The following SNAP23 variants were observed in gnomAD, a reference collection of about 807,000 sequenced individuals.
SNAP23 encodes the protein synaptosome associated protein 23.
SNAP23 carries 11 observed loss-of-function variants against 29.0 expected under a neutral mutation model. That is an observed-to-expected ratio of 0.38 (90% confidence interval 0.24 to 0.63). SNAP23 has a LOEUF of 0.63. SNAP23 is among the 20% of genes least tolerant of loss of function. The pLI, the probability that SNAP23 is intolerant of heterozygous loss-of-function variation, is 0.58. For synonymous variants in SNAP23, 60 were observed against 82.9 expected, an observed-to-expected ratio of 0.72 and a Z score of 1.50; for missense variants, 220 against 253.9, an observed-to-expected ratio of 0.87 and a Z score of 0.91.
chr15:42,492,056 G>A (rs2057170953), upstream of SNAP23, among the ~76,000 whole-genome samples: 2 of 151,706 alleles, frequency 1.3e-5, no homozygotes, highest in South Asian at 4.2e-4. Flanking sequence ...AATTACAGAC[G>A]TGCACTACCA....
intron 1 of SNAP23, among the ~76,000 whole-genome samples, chr15:42,498,159 CTG>C (rs1278505354): frequency 6.6e-6 from 1 of 152,172 alleles, no homozygotes; most frequent in Non-Finnish European, 1.5e-5. Context: ...ATTCTGGAGT[CTG>C]GAGAATGGTG....
At chr15:42,496,090 T>C (rs1367698577) in intron 1 of SNAP23, among the ~76,000 whole-genome samples, 3 of 152,166 alleles carry the variant, frequency 2.0e-5, no homozygotes, top group Non-Finnish European at 4.4e-5. Context: ...CTGAGGTTCC[T>C]GGTATTGGAT....
chr15:42,491,992 C>A (rs1356658058), upstream of SNAP23, among the ~76,000 whole-genome samples: 2 of 152,070 alleles, frequency 1.3e-5, no homozygotes, highest in African/African-American at 2.4e-5. Flanking sequence ...TTCACTGCAA[C>A]CTCCACCTTC....
chr15:42,513,547 C>T, intron 4 of SNAP23, 100 bp downstream of exon 4: 2 of 877,240 alleles, frequency 2.3e-6, no homozygotes, highest in Admixed American at 1.9e-5. Context: ...GAGAGCCTTC[C>T]CTTTGTAAAA....
chr15:42,513,469 A>G (rs778453778), intron 4 of SNAP23, 22 bp downstream of exon 4: 1 of 1,601,654 alleles, frequency 6.2e-7, no homozygotes, highest in South Asian at 1.1e-5. Flanking sequence ...TATTAGCAGA[A>G]ATTCTTAATT....
At chr15:42,521,662 G>T in intron 5 of SNAP23, 1 of 1,400,246 alleles carries the variant, frequency 7.1e-7, no homozygotes. Context: ...GGAACTTTAA[G>T]ATGCAGTCTT....
upstream of SNAP23, chr15:42,491,221 A>G (rs2057159021): frequency 6.6e-6 from 1 of 152,340 alleles, no homozygotes. Flanking sequence ...CAAGAGAGTG[A>G]ACAACGGACA....
chr15:42,522,842 CTTTT>C (rs5812226), intron 5 of SNAP23, among the ~76,000 whole-genome samples: 1 of 91,054 alleles, frequency 1.1e-5, no homozygotes, highest in African/African-American at 4.6e-5. Flanking sequence ...TAAAACTTGC[CTTTT>C]TTTTTTTTTT....
Position 42,515,265 on chromosome 15 carries a change from G to A in SNAP23, c.177G>A (p.Leu59=). 6.2e-7 allele frequency: 1 copy of A among 1,610,452 alleles called. No individual in the cohort carries two copies. The highest frequency in any genetic ancestry group is 8.5e-7 in the Non-Finnish European group (1 of 1,178,468). Residue 59 remains leucine, a synonymous_variant, in exon 5 of 8, where the codon TTG becomes TTA. Coordinates refer to ENST00000249647, the MANE Select transcript of SNAP23 (RefSeq NM_003825.4). ...KEQLNRIEEG[L]DQINKDMRET... is the part of the protein sequence containing the mutation. ...AACTAAACCGCATAGAAGAAGGCTT[G>A]GACCAAATAAATAAGGACATGAGAG...
At chr15:42,522,090 C>T (rs2057453929) in intron 5 of SNAP23, 2 of 153,540 alleles carry the variant, frequency 1.3e-5, no homozygotes. Flanking sequence ...ATTAAGTTTC[C>T]CTACTTTTTT....
At chr15:42,526,137 T>A (rs2057499986) in intron 5 of SNAP23, among the ~76,000 whole-genome samples, 1 of 152,230 alleles carries the variant, frequency 6.6e-6, no homozygotes, top group African/African-American at 2.4e-5. Context: ...CCCACTTCTG[T>A]TACTTCTGTT....
chr15:42,497,204 ATTTTTTTTTTT>A (rs1192101985), intron 1 of SNAP23, among the ~76,000 whole-genome samples: 2 of 104,292 alleles, frequency 1.9e-5, no homozygotes, highest in East Asian at 5.1e-4. Flanking sequence ...AACCTGGCTA[ATTTTTTTTTTT>A]TTTTTTTTTT....
intron 1 of SNAP23, among the ~76,000 whole-genome samples, chr15:42,503,919 A>T (rs923843453): frequency 6.6e-6 from 1 of 152,200 alleles, no homozygotes; most frequent in East Asian, 1.9e-4. Flanking sequence ...AAAAATATGT[A>T]TGTATATTTG....
At chr15:42,492,398 G>C (rs189508104), upstream of SNAP23, among the ~76,000 whole-genome samples, 432 of 152,136 alleles carry the variant, frequency 2.8e-3, no homozygotes, top group African/African-American at 9.8e-3. Context: ...AGTAAGCAGC[G>C]GTGGGGCACA....
intron 1 of SNAP23, 51 bp from the exon 2 acceptor site, chr15:42,511,782 T>C: frequency 8.9e-7 from 1 of 1,121,220 alleles, no homozygotes; most frequent in South Asian, 1.7e-5. Flanking sequence ...CAAACTTTTA[T>C]ATATCCTTAT....
chr15:42,527,744 C>G (rs2057517350), intron 5 of SNAP23, among the ~76,000 whole-genome samples: 1 of 151,834 alleles, frequency 6.6e-6, no homozygotes, highest in African/African-American at 2.4e-5. Flanking sequence ...CCTTGGCCTC[C>G]CAAAGTGCTG....
intron 5 of SNAP23, among the ~76,000 whole-genome samples, chr15:42,516,846 C>A (rs374054993): frequency 1.3e-5 from 2 of 152,238 alleles, no homozygotes. Flanking sequence ...TGACAGTGTT[C>A]TTCCTAGTCT....
At chr15:42,494,474 C>A (rs1307756923), upstream of SNAP23, among the ~76,000 whole-genome samples, 1 of 147,046 alleles carries the variant, frequency 6.8e-6, no homozygotes, top group Non-Finnish European at 1.5e-5. Context: ...GCTGGGATTA[C>A]AGACACCCGC....
At chr15:42,494,531 G>A (rs1446692356), upstream of SNAP23, among the ~76,000 whole-genome samples, 1 of 150,108 alleles carries the variant, frequency 6.7e-6, no homozygotes, top group Non-Finnish European at 1.5e-5. Context: ...TTTTTTGTAG[G>A]GGGGACGGAA....
Sources: allele counts gnomAD v4.1 joint callset (sites outside exome capture counted in the v4.1 genomes callset), GRCh38; gene constraint gnomAD v4.1.1; transcripts MANE v1.5; gene names NCBI Gene and HGNC (gene_info 2026-07-23, HGNC 2026-07-21).